Variants in FARS2 observed in about 807,000 individuals in gnomAD.
The protein encoded by FARS2 is phenylalanine--tRNA ligase, mitochondrial.
A neutral mutation model predicts 46.4 loss-of-function variants in FARS2; 40 were observed. The ratio of observed to expected loss-of-function variants is 0.86; its 90% confidence interval spans 0.67 to 1.12. FARS2 has a LOEUF of 1.12. FARS2 is among the 50% of genes most tolerant of loss of function. FARS2 has a pLI of 0.00. For missense variants in FARS2, 513 were observed against 567.9 expected (o/e 0.90, Z 0.98); for synonymous variants, 234 against 214.9 (o/e 1.09, Z -0.78).
chr6:5,670,802 A>G (rs1778416706), intron 6 of FARS2, among the ~76,000 whole-genome samples: 2 of 152,058 alleles, frequency 1.3e-5, no homozygotes, highest in Admixed American at 1.3e-4. Flanking sequence ...AGCTTATCAC[A>G]TTGTTCATTT....
At chr6:5,298,154 C>T (rs1768027313) in intron 1 of FARS2, among the ~76,000 whole-genome samples, 1 of 152,244 alleles carries the variant, frequency 6.6e-6, no homozygotes, top group Admixed American at 6.5e-5. Flanking sequence ...CACAGTGGGG[C>T]TGCATGGCCT....
intron 2 of FARS2, among the ~76,000 whole-genome samples, chr6:5,396,118 C>T (rs1251066159): frequency 6.6e-6 from 1 of 152,052 alleles, no homozygotes; most frequent in Non-Finnish European, 1.5e-5. Flanking sequence ...GAATAATGTT[C>T]ATGAAACCTG....
intron 2 of FARS2, among the ~76,000 whole-genome samples, chr6:5,386,446 A>G (rs1001130337): frequency 3.3e-5 from 5 of 152,194 alleles, no homozygotes; most frequent in African/African-American, 1.2e-4. Context: ...GAGTGAGGCA[A>G]TCGTTCAGGT....
chr6:5,769,236 T>G (rs928466004), intron 6 of FARS2, among the ~76,000 whole-genome samples: 1 of 152,208 alleles, frequency 6.6e-6, no homozygotes, highest in African/African-American at 2.4e-5. Flanking sequence ...GAAAAGACAT[T>G]TCCCCCTTGG....
intron 1 of FARS2, among the ~76,000 whole-genome samples, chr6:5,360,770 G>T (rs1758245768): frequency 6.6e-6 from 1 of 152,186 alleles, no homozygotes. Flanking sequence ...AGAAGGTCTG[G>T]ATAGGATAAC....
intron 4 of FARS2, among the ~76,000 whole-genome samples, chr6:5,536,634 GTGT>G (rs1770219352): frequency 6.6e-6 from 1 of 152,194 alleles, no homozygotes; most frequent in Non-Finnish European, 1.5e-5. Context: ...AAAGATTGAT[GTGT>G]TTGGACCTGA....
At chr6:5,454,112 C>T (rs1764674684) in intron 4 of FARS2, among the ~76,000 whole-genome samples, 1 of 151,198 alleles carries the variant, frequency 6.6e-6, no homozygotes, top group Admixed American at 6.6e-5. Context: ...TTAGAAACAT[C>T]ATGTCCCTGG....
At chr6:5,328,304 T>C (rs1770541458) in intron 1 of FARS2, among the ~76,000 whole-genome samples, 1 of 152,216 alleles carries the variant, frequency 6.6e-6, no homozygotes, top group Non-Finnish European at 1.5e-5. Flanking sequence ...TTGAGAATGT[T>C]GGTCTAGGGA....
At chr6:5,302,047 G>C (rs552592793) in intron 1 of FARS2, among the ~76,000 whole-genome samples, 7 of 151,984 alleles carry the variant, frequency 4.6e-5, no homozygotes, top group African/African-American at 1.7e-4. Context: ...CCAGTTACCA[G>C]TCATGCCCAC....
At position 5,311,474 on chromosome 6, in the gene FARS2, G is replaced by A. The variant is rs1223127820; in HGVS notation, c.-22+49814G>A. 6.6e-6 allele frequency among the ~76,000 whole-genome samples: 1 copy of A among 152,128 alleles called. No individual in the cohort carries two copies. The highest frequency in any genetic ancestry group is 1.5e-5 in the Non-Finnish European group (1 of 68,028). On this transcript the variant is annotated intron_variant, in intron 1 of 6. Transcript: ENST00000274680. This position sits in a 1 kb window ranked among gnomAD's most constrained non-coding sequence, Gnocchi z 4.1. ...TATTTTTAACTCAACAGTTATCTGA[G>A]TATGATGTTACAGAACTTTTCCCTC...
chr6:5,709,041 A>C (rs1758937653), intron 6 of FARS2, among the ~76,000 whole-genome samples: 1 of 152,196 alleles, frequency 6.6e-6, no homozygotes, highest in African/African-American at 2.4e-5. Context: ...ACAACAGTAA[A>C]CAGGTCTTGA....
At chr6:5,267,895 C>A (rs1765660225) in intron 1 of FARS2, among the ~76,000 whole-genome samples, 1 of 152,104 alleles carries the variant, frequency 6.6e-6, no homozygotes, top group Non-Finnish European at 1.5e-5. Context: ...GATCGCCATT[C>A]TAACTGGTGT....
chr6:5,399,575 CTA>C (rs1230557844), intron 2 of FARS2, among the ~76,000 whole-genome samples: 1 of 152,198 alleles, frequency 6.6e-6, no homozygotes, highest in Admixed American at 6.5e-5. Flanking sequence ...TCATTATACT[CTA>C]TTCCCATTCA....
At position 5,700,297 on chromosome 6, in the gene FARS2, C is replaced by T. The variant is rs1276883165; in HGVS notation, c.1218-70994C>T. Among the ~76,000 whole-genome samples, 6 of 152,016 alleles carry T rather than the reference C, an allele frequency of 3.9e-5. No individual in the cohort carries two copies. In the South Asian group the frequency reaches 8.3e-4, roughly 21 times the overall value. On this transcript the variant is annotated intron_variant, in intron 6 of 6. Transcript: ENST00000274680. The stretch of plus-strand genomic sequence containing the variant: ...CTTTTTTTGTTTTAGTCTTATTGAA[C>T]GTCAAAAATATGATGGGGAATTGGA...
intron 6 of FARS2, among the ~76,000 whole-genome samples, chr6:5,730,573 GTCACAAGGCAGTAAT>G (rs1322559720): frequency 6.6e-6 from 1 of 151,796 alleles, no homozygotes; most frequent in Non-Finnish European, 1.5e-5. Context: ...CCAAAGATGT[GTCACAAGGCAGTAAT>G]TCACCATCAT....
intron 4 of FARS2, among the ~76,000 whole-genome samples, chr6:5,541,442 A>G (rs778069145): frequency 2.0e-5 from 3 of 152,200 alleles, no homozygotes; most frequent in African/African-American, 7.2e-5. Context: ...GAAAATTTCC[A>G]TCTCCTGGAA....
rs1561943021 is a variant in FARS2 at position 5,301,848 on chromosome 6, A to ACAC, written c.-22+40188_-22+40189insCAC. Among the ~76,000 whole-genome samples, 82 of 123,002 alleles carry ACAC rather than the reference A, an allele frequency of 6.7e-4. 1 individual carries two copies. The highest frequency in any genetic ancestry group is 2.1e-3 in the African/African-American group (73 of 34,686). 80.7% of individuals were successfully genotyped at this position (123,002 alleles called of 152,430 possible). A position where few individuals can be genotyped will look rare whatever the true frequency, so the allele number is the denominator to read the frequency against. ...ACACACACACACACACACACACACA[A>ACAC]AGAAAATGGGGCTAAATTGGTGGAC... is the stretch of plus-strand genomic sequence containing the variant. On this transcript the variant is annotated intron_variant, in intron 1 of 6. Coordinates refer to ENST00000274680, the MANE Select transcript of FARS2 (RefSeq NM_006567.5).
intron 3 of FARS2, among the ~76,000 whole-genome samples, chr6:5,427,614 T>TG (rs1472687352): frequency 6.6e-6 from 1 of 152,206 alleles, no homozygotes; most frequent in African/African-American, 2.4e-5. Flanking sequence ...TTAGTTACTA[T>TG]GGTAGTATCA....
chr6:5,497,850 A>G (rs1342148805), intron 4 of FARS2, among the ~76,000 whole-genome samples: 1 of 152,186 alleles, frequency 6.6e-6, no homozygotes, highest in East Asian at 1.9e-4. Flanking sequence ...TTAACCTTTC[A>G]TTGTAATAGG....
Sources: gnomAD v4.1 joint callset for allele counts (sites outside exome capture counted in the v4.1 genomes callset) on GRCh38, gnomAD v4.1.1 for gene constraint, Gnocchi (gnomAD v3.1) non-coding constraint, MANE v1.5 for transcripts, NCBI Gene and HGNC (gene_info 2026-07-23, HGNC 2026-07-21) for gene names.